The following SOX30 variants were observed in gnomAD, a reference collection of about 807,000 sequenced individuals.
The protein encoded by SOX30 is transcription factor SOX-30.
A neutral mutation model predicts 58.6 loss-of-function variants in SOX30; 17 were observed. The observed-to-expected ratio is 0.29, with a 90% CI of 0.20 to 0.44. The LOEUF (loss-of-function observed/expected upper bound fraction) is 0.44. SOX30 is among the 20% of genes least tolerant of loss of function. SOX30 has a pLI of 1.00. For missense variants in SOX30, 951 were observed against 965.8 expected (o/e 0.98, Z 0.20); for synonymous variants, 421 against 400.2 (o/e 1.05, Z -0.62).
chr5:157,655,885 T>G (rs1444879859), upstream of SOX30, among the ~76,000 whole-genome samples: 1 of 152,248 alleles, frequency 6.6e-6, no homozygotes, highest in Non-Finnish European at 1.5e-5. Flanking sequence ...TTCTGTATTG[T>G]TCTGTCATAA....
At chr5:157,634,179 A>T (rs954809150) in intron 4 of SOX30, among the ~76,000 whole-genome samples, 1 of 152,220 alleles carries the variant, frequency 6.6e-6, no homozygotes, top group African/African-American at 2.4e-5. Context: ...TTTACTCTAC[A>T]TACACAGGGC....
At chr5:157,654,223 A>G (rs998040936), upstream of SOX30, among the ~76,000 whole-genome samples, 39 of 152,234 alleles carry the variant, frequency 2.6e-4, no homozygotes, top group African/African-American at 8.9e-4. Context: ...TGTGGATTTC[A>G]TCTATCAATA....
At chr5:157,664,936 A>T (rs1241840411) in intron 2 of SOX30, among the ~76,000 whole-genome samples, 1 of 152,248 alleles carries the variant, frequency 6.6e-6, no homozygotes, top group African/African-American at 2.4e-5. Flanking sequence ...ATCATTAAAA[A>T]GTCAGGAAAC....
chr5:157,654,267 G>A (rs1182988802), upstream of SOX30, among the ~76,000 whole-genome samples: 22 of 151,580 alleles, frequency 1.5e-4, no homozygotes, highest in Admixed American at 1.4e-3. Flanking sequence ...AAATTTTAAA[G>A]ATAGCAACTC....
Position 157,651,550 on chromosome 5 carries a change from A to T in SOX30, c.529T>A (p.Tyr177Asn), listed in dbSNP as rs1304410625. Residue 177 changes from tyrosine to asparagine, a missense_variant, in exon 1 of 5, where the codon TAC becomes AAC. Physicochemically the swap from Tyr to Asn is moderately radical, Grantham distance 143. Around this residue, in one of 7 missense-constraint regions of SOX30, gnomAD observed 363 missense variants for 294.5 expected, o/e 1.23. Coordinates refer to ENST00000265007, the MANE Select transcript of SOX30 (RefSeq NM_178424.2). ...TTGCCCTTCTCGTCCCCTCGGAAGT[A>T]GCCGAGGGCCGGCCCGGGGCCTTCC... ...KLEGPGPALG[Y>N]FRGDEKGKLE... 6.2e-7 allele frequency: 1 copy of T among 1,613,032 alleles called. No individual in the cohort carries two copies. Among genetic ancestry groups the T allele is most frequent in the South Asian group, 1.1e-5 (1 of 91,068 alleles).
intron 4 of SOX30, among the ~76,000 whole-genome samples, chr5:157,627,580 A>C (rs1225977698): frequency 6.6e-6 from 1 of 152,250 alleles, no homozygotes; most frequent in African/African-American, 2.4e-5. Flanking sequence ...AATTTAAAAC[A>C]CTGTTACTAC....
intron 3 of SOX30, among the ~76,000 whole-genome samples, chr5:157,640,721 C>A (rs1046742069): frequency 6.6e-6 from 1 of 152,080 alleles, no homozygotes; most frequent in Non-Finnish European, 1.5e-5. Context: ...CGATCCTAAC[C>A]CCTAGGATTG....
upstream of SOX30, among the ~76,000 whole-genome samples, chr5:157,655,605 G>C (rs1269994604): frequency 6.6e-6 from 1 of 152,186 alleles, no homozygotes; most frequent in Non-Finnish European, 1.5e-5. Flanking sequence ...AAACTTGAGA[G>C]TCGATGGGAC....
chr5:157,660,227 C>T (rs1391037949), intron 2 of SOX30, among the ~76,000 whole-genome samples: 4 of 152,190 alleles, frequency 2.6e-5, no homozygotes, highest in Admixed American at 1.3e-4. Flanking sequence ...TTTAGACCGA[C>T]ATGGGCAACG....
At chr5:157,629,047 C>T (rs1160327547) in intron 4 of SOX30, among the ~76,000 whole-genome samples, 1 of 152,124 alleles carries the variant, frequency 6.6e-6, no homozygotes, top group Non-Finnish European at 1.5e-5. Context: ...ACTATGGGTA[C>T]AAACATACAG....
At chr5:157,631,051 A>ATATATATATATACAATATATATATTG (rs1554087775) in intron 4 of SOX30, among the ~76,000 whole-genome samples, 29 of 40,700 alleles carry the variant, frequency 7.1e-4, no homozygotes, top group African/African-American at 2.3e-3. Flanking sequence ...TATATTTTAT[A>ATATATATATATACAATATATATATTG]TATATATATA....
chr5:157,629,233 T>C (rs1758731294), intron 4 of SOX30, among the ~76,000 whole-genome samples: 1 of 152,172 alleles, frequency 6.6e-6, no homozygotes, highest in Admixed American at 6.5e-5. Flanking sequence ...TCATTACACA[T>C]TTTATACATA....
intron 3 of SOX30, among the ~76,000 whole-genome samples, chr5:157,645,952 G>A (rs1458461372): frequency 6.6e-6 from 1 of 151,542 alleles, no homozygotes; most frequent in East Asian, 1.9e-4. Context: ...CCCAGGAAGC[G>A]GAGGTTGTGG....
intron 4 of SOX30, among the ~76,000 whole-genome samples, chr5:157,630,975 T>A (rs1268814605): frequency 7.4e-6 from 1 of 135,572 alleles, no homozygotes; most frequent in Non-Finnish European, 1.6e-5. Context: ...CACTATATAT[T>A]TTTATATATA....
At chr5:157,669,595 C>T (rs1169676282) in intron 1 of SOX30, among the ~76,000 whole-genome samples, 1 of 151,848 alleles carries the variant, frequency 6.6e-6, no homozygotes, top group Non-Finnish European at 1.5e-5. Context: ...TGGCTCACTG[C>T]AACCTCCGCC....
chr5:157,641,263 G>A (rs1479177162), intron 3 of SOX30, among the ~76,000 whole-genome samples: 1 of 152,130 alleles, frequency 6.6e-6, no homozygotes, highest in African/African-American at 2.4e-5. Context: ...AGAGGAGCTT[G>A]GGAGATAGTA....
upstream of SOX30, among the ~76,000 whole-genome samples, chr5:157,655,030 T>C (rs1759444365): frequency 6.6e-6 from 1 of 152,238 alleles, no homozygotes; most frequent in African/African-American, 2.4e-5. Flanking sequence ...TCTGAATTCT[T>C]CCTTGTGCGA....
At chr5:157,659,839 T>G (rs1182281326) in intron 2 of SOX30, among the ~76,000 whole-genome samples, 1 of 152,222 alleles carries the variant, frequency 6.6e-6, no homozygotes, top group Non-Finnish European at 1.5e-5. Flanking sequence ...ATTTTCTGAA[T>G]GGCAATTGGT....
rs1490841153 is a variant in SOX30, at chr5:157,626,326, T to C, written c.*14A>G. 1.3e-6 allele frequency: 2 copies of C among 1,577,438 alleles called. No homozygotes were observed. The highest frequency in any genetic ancestry group is 2.7e-5 in the African/African-American group (2 of 73,250). Reference sequence around the variant, plus strand: ...TTAAGAAATGTTTATTTTCTGTGCATATTTGTTTTAAAATTATAAATCCCT... The same window carrying C: ...TTAAGAAATGTTTATTTTCTGTGCACATTTGTTTTAAAATTATAAATCCCT... On this transcript the variant is annotated 3_prime_UTR_variant, in exon 5 of 5. Transcript: ENST00000265007.
Sources: allele counts gnomAD v4.1 joint callset (sites outside exome capture counted in the v4.1 genomes callset), GRCh38; gene constraint gnomAD v4.1.1; regional missense constraint gnomAD v4.1.1; transcripts MANE v1.5; gene names NCBI Gene and HGNC (gene_info 2026-07-23, HGNC 2026-07-21).